CADM2: variants seen among roughly 807,000 people sequenced by gnomAD.
The protein encoded by CADM2 is cell adhesion molecule 2.
CADM2 carries 12 observed loss-of-function variants against 49.8 expected under a neutral mutation model. That is an observed-to-expected ratio of 0.24 (90% confidence interval 0.15 to 0.39). CADM2 has a LOEUF of 0.39. CADM2 is among the 10% of genes least tolerant of loss of function. The probability of loss-of-function intolerance (pLI) is 1.00; values close to 1 mark genes in which losing one functional copy is unlikely to be tolerated. For missense variants in CADM2, 378 were observed against 492.3 expected (o/e 0.77, Z 2.20); for synonymous variants, 214 against 175.4 (o/e 1.22, Z -1.74).
intron 1 of CADM2, among the ~76,000 whole-genome samples, chr3:85,014,626 G>A (rs1027845997): frequency 1.3e-5 from 2 of 152,118 alleles, no homozygotes; most frequent in Non-Finnish European, 2.9e-5. Flanking sequence ...TAGGGATGCA[G>A]GTGCATGTTT....
chr3:85,276,706 G>C (rs969558245), intron 1 of CADM2, among the ~76,000 whole-genome samples: 2 of 151,032 alleles, frequency 1.3e-5, no homozygotes, highest in Non-Finnish European at 3.0e-5. Flanking sequence ...GAAAAAAAAA[G>C]CTTGGGTGAT....
chr3:85,359,666 A>ATATATATATATATATATTTTTTTTT lies in CADM2; in HGVS notation c.62-366855_62-366854insATATATATATATATATTTTTTTTTT. ...TATATATATATATATATATATATATATTTTTTTTTTTGGTGGAGGGGAGAA... is the reference window on the plus strand; with the variant it reads ...TATATATATATATATATATATATATATATATATATATATATATTTTTTTTTTTTTTTTTTTTGGTGGAGGGGAGAA... On this transcript the variant is annotated intron_variant, in intron 1 of 9. Transcript: ENST00000383699. Among the ~76,000 whole-genome samples, 81 of 26,492 alleles carry ATATATATATATATATATTTTTTTTT rather than the reference A, an allele frequency of 3.1e-3. 1 individual carries two copies. Among genetic ancestry groups the ATATATATATATATATATTTTTTTTT allele is most frequent in the Non-Finnish European group, 5.4e-3 (66 of 12,266 alleles). The allele number at this position is 26,492 out of a possible 152,430, so 17.4% of individuals were successfully genotyped here.
At chr3:86,007,201 T>C (rs1730906873) in intron 8 of CADM2, among the ~76,000 whole-genome samples, 1 of 146,914 alleles carries the variant, frequency 6.8e-6, no homozygotes, top group South Asian at 2.3e-4. Flanking sequence ...GTCTTTACTA[T>C]ATTCCAGATT....
chr3:85,837,016 C>T (rs1203819446), intron 3 of CADM2, among the ~76,000 whole-genome samples: 1 of 151,438 alleles, frequency 6.6e-6, no homozygotes, highest in Non-Finnish European at 1.5e-5. Flanking sequence ...AAATGAAGAT[C>T]TCAGTTTCCA....
At chr3:85,588,144 G>T (rs1328448003) in intron 1 of CADM2, among the ~76,000 whole-genome samples, 1 of 151,960 alleles carries the variant, frequency 6.6e-6, no homozygotes. Flanking sequence ...AGAAAATGAT[G>T]CATCTATCAC....
chr3:85,647,435 A>C (rs921080651), intron 1 of CADM2, among the ~76,000 whole-genome samples: 1 of 151,814 alleles, frequency 6.6e-6, no homozygotes, highest in African/African-American at 2.4e-5. Flanking sequence ...CAAACTACTT[A>C]GAAGTTTTAA....
rs1306178955 is a variant in CADM2, at chr3:85,291,496, C to T, written c.61+331828C>T. On this transcript the variant is annotated intron_variant, in intron 1 of 9. Transcript: ENST00000383699. Reference sequence around the variant, plus strand: ...CAAGACACATAATTGTCAGATTCACCGAAGTTGAAATGAAGGAAAAAATGT... The same window carrying T: ...CAAGACACATAATTGTCAGATTCACTGAAGTTGAAATGAAGGAAAAAATGT... Among the ~76,000 whole-genome samples, 9 of 147,720 alleles carry T rather than the reference C, an allele frequency of 6.1e-5. No homozygotes were observed. In the East Asian group the frequency reaches 7.8e-4, roughly 13 times the overall value.
chr3:85,542,918 T>G (rs559368014), intron 1 of CADM2, among the ~76,000 whole-genome samples: 1 of 152,316 alleles, frequency 6.6e-6, no homozygotes, highest in African/African-American at 2.4e-5. Context: ...AAGAGTACAT[T>G]GTGCAGCTAA....
chr3:85,562,614 A>G (rs907912774), intron 1 of CADM2, among the ~76,000 whole-genome samples: 2 of 152,094 alleles, frequency 1.3e-5, no homozygotes, highest in Admixed American at 6.6e-5. Context: ...TGGAAAATAC[A>G]CTTCTTTCTA....
At chr3:85,437,615 C>T (rs2036992813) in intron 1 of CADM2, among the ~76,000 whole-genome samples, 2 of 151,932 alleles carry the variant, frequency 1.3e-5, no homozygotes, top group Admixed American at 6.6e-5. Flanking sequence ...GTTGGAGTGT[C>T]TTTTAATATG....
intron 1 of CADM2, among the ~76,000 whole-genome samples, chr3:85,269,560 C>A: frequency 6.6e-6 from 1 of 151,268 alleles, no homozygotes; most frequent in South Asian, 2.1e-4. Flanking sequence ...CATTAGGATC[C>A]CTTGGTTAAT....
chr3:85,228,628 C>T (rs546163580), intron 1 of CADM2, among the ~76,000 whole-genome samples: 1 of 152,026 alleles, frequency 6.6e-6, no homozygotes, highest in East Asian at 2.0e-4. Flanking sequence ...ACTGTGTTTG[C>T]CTGGGTATCA....
At position 86,039,545 on chromosome 3, in the gene CADM2, CA is replaced by C. The variant is rs1735590872; in HGVS notation, c.971-26059del. The stretch of plus-strand genomic sequence containing the variant: ...GCAGCGAGGCTGGGGGAGGGGTGCC[CA>C]CCATTGCCTAGGCTTCAGTAGGTAA... On this transcript the variant is annotated intron_variant, in intron 8 of 9. Transcript: ENST00000383699. Among the ~76,000 whole-genome samples the C allele has an allele frequency of 1.3e-5, 2 of 152,116 alleles. 1 individual carries two copies. The highest frequency in any genetic ancestry group is 4.1e-4 in the South Asian group (2 of 4,828).
chr3:85,295,193 C>T (rs952180905), intron 1 of CADM2, among the ~76,000 whole-genome samples: 22 of 152,152 alleles, frequency 1.4e-4, no homozygotes, highest in Admixed American at 2.0e-4. Flanking sequence ...TGTAAAAATG[C>T]TCATCATCAC....
In CADM2 at chr3:85,668,376, A is replaced by T. The variant is rs972781515; in HGVS notation, c.62-58146A>T. On this transcript the variant is annotated intron_variant, in intron 1 of 9. Transcript: ENST00000383699. ...TCAAATAAATCTAGTGTTTGGAAATAATAAATACATTAGATTTTCTTTGTT... is the reference window on the plus strand; with the variant it reads ...TCAAATAAATCTAGTGTTTGGAAATTATAAATACATTAGATTTTCTTTGTT... Among the ~76,000 whole-genome samples, 6 of 151,884 alleles carry T rather than the reference A, an allele frequency of 4.0e-5. No individual in the cohort carries two copies. In the East Asian group the frequency reaches 7.7e-4, roughly 20 times the overall value.
chr3:85,357,762 C>T (rs1218700427), intron 1 of CADM2, among the ~76,000 whole-genome samples: 1 of 151,984 alleles, frequency 6.6e-6, no homozygotes, highest in Non-Finnish European at 1.5e-5. Flanking sequence ...TCAAGAAATA[C>T]TAAGTAAATT....
At chr3:85,408,448 G>C (rs940258160) in intron 1 of CADM2, among the ~76,000 whole-genome samples, 1 of 152,202 alleles carries the variant, frequency 6.6e-6, no homozygotes, top group African/African-American at 2.4e-5. Flanking sequence ...GCATGAACCA[G>C]TTGTTCTAAA....
chr3:85,617,838 A>G (rs1434835706), intron 1 of CADM2, among the ~76,000 whole-genome samples: 1 of 152,194 alleles, frequency 6.6e-6, no homozygotes, highest in African/African-American at 2.4e-5. Context: ...ACATTTCACA[A>G]TTTCACAAAA....
In CADM2 at chr3:85,961,464, A is replaced by G; in HGVS notation, c.792-5A>G. 6.4e-7 allele frequency: 1 copy of G among 1,574,530 alleles called. No homozygotes were observed. On this transcript the variant is annotated splice_polypyrimidine_tract_variant and splice_region_variant and intron_variant, in intron 7 of 9. Transcript: ENST00000383699. Reference sequence around the variant, plus strand: ...GCTATCTACATGCATGTTTCAATCCAATAGGCCAGAACCTGTTTTGTGGAC... The same window carrying G: ...GCTATCTACATGCATGTTTCAATCCGATAGGCCAGAACCTGTTTTGTGGAC...
Sources: allele counts gnomAD v4.1 joint callset (sites outside exome capture counted in the v4.1 genomes callset), GRCh38; gene constraint gnomAD v4.1.1; transcripts MANE v1.5; gene names NCBI Gene and HGNC (gene_info 2026-07-23, HGNC 2026-07-21).